Variants in MAST2 observed in about 807,000 individuals in gnomAD.
The protein encoded by MAST2 is microtubule-associated serine/threonine-protein kinase 2.
Under a neutral mutation model 147.4 loss-of-function variants are expected in MAST2, and 70 were observed. The observed-to-expected ratio is 0.47, with a 90% CI of 0.39 to 0.58. The LOEUF (loss-of-function observed/expected upper bound fraction) is 0.58. Among genes scored for constraint, MAST2 ranks in the 20% least tolerant of loss-of-function variants. The pLI is 0.00. For missense variants in MAST2, 2,080 were observed against 2,302.3 expected (o/e 0.90, Z 1.98); for synonymous variants, 869 against 896.8 (o/e 0.97, Z 0.55).
At chr1:46,019,435 G>A (rs905525325) in intron 10 of MAST2, among the ~76,000 whole-genome samples, 161 bp from the exon 11 acceptor site, 1 of 152,184 alleles carries the variant, frequency 6.6e-6, no homozygotes. Context: ...TGAGCAACTC[G>A]CTCCCTCTCA....
chr1:45,957,716 G>A (rs1659847251), intron 4 of MAST2, among the ~76,000 whole-genome samples: 1 of 152,102 alleles, frequency 6.6e-6, no homozygotes, highest in Non-Finnish European at 1.5e-5. Flanking sequence ...TAGTTGTCTT[G>A]GAGAGTGAGC....
intron 16 of MAST2, 23 bp from the exon 17 acceptor site, chr1:46,027,708 A>G (rs1646473149): frequency 6.3e-7 from 1 of 1,599,814 alleles, no homozygotes; most frequent in Admixed American, 1.7e-5. Context: ...TAACTTCTTA[A>G]TTTTATTTCT....
intron 1 of MAST2, among the ~76,000 whole-genome samples, chr1:45,807,076 A>C (rs1644163524): frequency 6.6e-6 from 1 of 152,208 alleles, no homozygotes; most frequent in South Asian, 2.1e-4. Context: ...AGAGAGAAAT[A>C]TGTAAAAGTC....
chr1:45,959,910 A>G (rs1039136120), intron 5 of MAST2, among the ~76,000 whole-genome samples: 2 of 152,278 alleles, frequency 1.3e-5, no homozygotes, highest in Middle Eastern at 3.4e-3. Context: ...ATTAGGAGAT[A>G]ACAAAAGCAA....
intron 4 of MAST2, among the ~76,000 whole-genome samples, chr1:45,907,463 CTTTTT>C (rs59039717): frequency 7.1e-6 from 1 of 140,896 alleles, no homozygotes; most frequent in Non-Finnish European, 1.5e-5. Context: ...GCCATTTTAA[CTTTTT>C]TTTTTTTTTT....
intron 3 of MAST2, among the ~76,000 whole-genome samples, chr1:45,845,396 T>C (rs1223104433): frequency 6.6e-6 from 1 of 152,240 alleles, no homozygotes. Flanking sequence ...AAAAAAGTTA[T>C]GATACTTTAA....
chr1:46,032,373 C>T lies in MAST2; in HGVS notation c.3383C>T (p.Ser1128Phe). The T allele has an allele frequency of 1.9e-6, 3 of 1,614,222 alleles. No individual in the cohort carries two copies. The highest frequency in any genetic ancestry group is 1.7e-6 in the Non-Finnish European group (2 of 1,180,040). ...GCCATTCGCGTCTACATGGGTGACTCCGATGTCTACACCGTGCACCATATG... is the reference window on the plus strand; with the variant it reads ...GCCATTCGCGTCTACATGGGTGACTTCGATGTCTACACCGTGCACCATATG... ...LRAIRVYMGD[S>F]DVYTVHHMVW... The change falls in exon 25 of 29, where the codon TCC becomes TTC. Residue 1128 changes from serine to phenylalanine, a missense_variant. Physicochemically the swap from Ser to Phe is radical, Grantham distance 155. This residue lies in a region of MAST2 where 1,278 missense variants were observed against 1,304.2 expected (regional missense o/e 0.98). Coordinates refer to ENST00000361297, the MANE Select transcript of MAST2 (RefSeq NM_015112.3).
intron 3 of MAST2, among the ~76,000 whole-genome samples, chr1:45,874,776 A>G (rs1646531485): frequency 6.6e-6 from 1 of 152,222 alleles, no homozygotes; most frequent in Admixed American, 6.5e-5. Flanking sequence ...GAAAACAGAT[A>G]ATTTAGCAAA....
chr1:45,973,799 A>T (rs1017328932), intron 5 of MAST2, among the ~76,000 whole-genome samples: 2 of 152,256 alleles, frequency 1.3e-5, no homozygotes, highest in Non-Finnish European at 2.9e-5. Context: ...GCCAAATGAT[A>T]TAGACAGATC....
chr1:45,859,155 T>C (rs1373483842), intron 3 of MAST2, among the ~76,000 whole-genome samples: 1 of 152,082 alleles, frequency 6.6e-6, no homozygotes, highest in Non-Finnish European at 1.5e-5. Context: ...AGAAAGTCAT[T>C]GGTATCTCGG....
intron 1 of MAST2, among the ~76,000 whole-genome samples, chr1:45,813,790 C>A (rs917220362): frequency 6.6e-6 from 1 of 152,042 alleles, no homozygotes; most frequent in South Asian, 2.1e-4. Flanking sequence ...TGAACCACTG[C>A]GCCTGGCCAG....
chr1:45,936,001 CAA>C (rs1445666619), intron 4 of MAST2, among the ~76,000 whole-genome samples: 1 of 152,166 alleles, frequency 6.6e-6, no homozygotes, highest in Non-Finnish European at 1.5e-5. Context: ...GCCATTTTAA[CAA>C]TATTAATTCT....
Position 46,034,972 on chromosome 1 carries a change from T to C in MAST2, c.4303T>C (p.Ser1435Pro). 6.2e-7 allele frequency: 1 copy of C among 1,613,964 alleles called. No homozygotes were observed. Among genetic ancestry groups the C allele is most frequent in the Non-Finnish European group, 8.5e-7 (1 of 1,180,016 alleles). Reference protein sequence around the residue: ...SRKHSLDLPHSELKKELPPRE... With the variant: ...SRKHSLDLPHPELKKELPPRE... ...CAAGCACAGCCTTGACCTGCCCCAC[T>C]CTGAACTAAAGAAGGAACTGCCGCC... is the stretch of plus-strand genomic sequence containing the variant. Residue 1435 changes from serine to proline, a missense_variant, in exon 29 of 29, where the codon TCT becomes CCT. Around this residue, in one of 4 missense-constraint regions of MAST2, gnomAD observed 1,278 missense variants for 1,304.2 expected, o/e 0.98. Transcript: ENST00000361297.
rs755745388 is a variant in MAST2 at position 45,893,439 on chromosome 1, T to C, written c.500+11044T>C. Among the ~76,000 whole-genome samples, 152 of 151,992 alleles carry C rather than the reference T, an allele frequency of 1.0e-3. 5 individuals are homozygous for C. Among genetic ancestry groups the C allele is most frequent in the Non-Finnish European group, 2.1e-4 (14 of 67,994 alleles). ...GGGGCGGGGTAGAGATAGGGTCTTGTAATGTTCCCTAGGCTGGTCTCTAAC... is the reference window on the plus strand; with the variant it reads ...GGGGCGGGGTAGAGATAGGGTCTTGCAATGTTCCCTAGGCTGGTCTCTAAC... On this transcript the variant is annotated intron_variant, in intron 4 of 28. Coordinates refer to ENST00000361297, the MANE Select transcript of MAST2 (RefSeq NM_015112.3).
At chr1:46,026,411 G>T (rs1646412910) in intron 16 of MAST2, among the ~76,000 whole-genome samples, 1 of 152,192 alleles carries the variant, frequency 6.6e-6, no homozygotes, top group East Asian at 1.9e-4. Context: ...GCTAGAGAGA[G>T]AGGCAGGAAC....
chr1:45,816,200 T>TG (rs997840893), intron 1 of MAST2, among the ~76,000 whole-genome samples: 16 of 60,862 alleles, frequency 2.6e-4, no homozygotes, highest in South Asian at 6.0e-4. Context: ...GTATTGGGGG[T>TG]GGGGGGGAGA....
In MAST2 at chr1:46,028,810, C is replaced by T. The variant is rs749580795; in HGVS notation, c.2095C>T (p.Arg699Cys). Residue 699 changes from arginine to cysteine, a missense_variant, in exon 18 of 29, where the codon CGC (arginine) becomes TGC (cysteine). Transcript: ENST00000361297. ...ATACATTGCGCCTGAGGTGATCCTGCGCCAGGGCTATGGGAAGCCAGTGGA... is the reference window on the plus strand; with the variant it reads ...ATACATTGCGCCTGAGGTGATCCTGTGCCAGGGCTATGGGAAGCCAGTGGA... ...PEYIAPEVIL[R>C]QGYGKPVDWW... The T allele has an allele frequency of 6.8e-5, 109 of 1,614,026 alleles. No individual in the cohort carries two copies. The highest frequency in any genetic ancestry group is 8.6e-5 in the Non-Finnish European group (102 of 1,180,026).
intron 10 of MAST2, among the ~76,000 whole-genome samples, chr1:46,015,427 C>G (rs1466127677): frequency 1.3e-5 from 2 of 151,872 alleles, no homozygotes; most frequent in African/African-American, 2.4e-5. Context: ...TAGACCGCTA[C>G]CAAGACTAAT....
At chr1:46,024,212 G>A (rs968405913) in intron 15 of MAST2, 2 of 521,248 alleles carry the variant, frequency 3.8e-6, no homozygotes, top group Non-Finnish European at 7.0e-6. Flanking sequence ...CAGGCCAGCA[G>A]CTATAGAATC....
Sources: allele counts gnomAD v4.1 joint callset (sites outside exome capture counted in the v4.1 genomes callset), GRCh38; gene constraint gnomAD v4.1.1; regional missense constraint gnomAD v4.1.1; transcripts MANE v1.5; gene names NCBI Gene and HGNC (gene_info 2026-07-23, HGNC 2026-07-21).